The following ALMS1 variants were observed in gnomAD, a reference collection of about 807,000 sequenced individuals.
ALMS1 encodes centrosome-associated protein ALMS1.
ALMS1 carries 271 observed loss-of-function variants against 352.2 expected under a neutral mutation model. The observed-to-expected ratio is 0.77, with a 90% CI of 0.70 to 0.85. The LOEUF is 0.85. Among genes scored for constraint, ALMS1 ranks in the 40% least tolerant of loss-of-function variants. The probability of loss-of-function intolerance (pLI) is 0.00; values close to 1 mark genes in which losing one functional copy is unlikely to be tolerated. For missense variants in ALMS1, 5,445 were observed against 4,870.7 expected, an observed-to-expected ratio of 1.12 and a Z score of -3.51; for synonymous variants, 1,865 against 1,761.2, an observed-to-expected ratio of 1.06 and a Z score of -1.48.
intron 3 of ALMS1, among the ~76,000 whole-genome samples, chr2:73,419,965 T>G (rs984946404): frequency 6.6e-6 from 1 of 152,240 alleles, no homozygotes; most frequent in African/African-American, 2.4e-5. Flanking sequence ...CAACATAAAC[T>G]AATGCTATCC....
chr2:73,410,547 C>T (rs1363439480), intron 2 of ALMS1, among the ~76,000 whole-genome samples: 1 of 152,186 alleles, frequency 6.6e-6, no homozygotes, highest in African/African-American at 2.4e-5. Context: ...GATTCTCAGT[C>T]TGCTCTGCAT....
At chr2:73,396,055 T>C (rs1223367097) in intron 1 of ALMS1, among the ~76,000 whole-genome samples, 2 of 152,182 alleles carry the variant, frequency 1.3e-5, no homozygotes, top group Non-Finnish European at 2.9e-5. Context: ...TTGGACAAAC[T>C]TGTCTTAGGG....
intron 10 of ALMS1, among the ~76,000 whole-genome samples, chr2:73,510,846 G>A (rs188361237): frequency 2.1e-4 from 32 of 152,114 alleles, no homozygotes; most frequent in Admixed American, 9.2e-4. Flanking sequence ...TCTGTCCCAG[G>A]GAGATGGGAG....
In ALMS1 at chr2:73,491,122, ACTT is replaced by A; in HGVS notation, c.9168_9170del (p.Ser3057del). On this transcript the variant is annotated inframe_deletion, in exon 10 of 23. Coordinates refer to ENST00000613296, the MANE Select transcript of ALMS1 (RefSeq NM_001378454.1). ...TGTTCATATAACTCTTTGTCCCAAGACTTCTTCCAAGTTGGATAGTGGAACTTT... is the reference window on the plus strand; with the variant it reads ...TGTTCATATAACTCTTTGTCCCAAGACTTCCAAGTTGGATAGTGGAACTTT... 6.2e-7 allele frequency: 1 copy of A among 1,614,166 alleles called. No homozygotes were observed.
intron 16 of ALMS1, among the ~76,000 whole-genome samples, chr2:73,596,674 A>G (rs947647123): frequency 5.3e-5 from 8 of 151,498 alleles, no homozygotes; most frequent in African/African-American, 1.7e-4. Flanking sequence ...GTTTCACCAT[A>G]TTGGCCAGGC....
At chr2:73,588,994 A>G (rs1221879744) in intron 16 of ALMS1, among the ~76,000 whole-genome samples, 1 of 152,142 alleles carries the variant, frequency 6.6e-6, no homozygotes, top group Non-Finnish European at 1.5e-5. Flanking sequence ...TTATAATCCA[A>G]ATATACATAC....
At position 73,385,980 on chromosome 2, in the gene ALMS1, G is replaced by C; in HGVS notation, c.112G>C (p.Asp38His). Residue 38 changes from aspartate to histidine, a missense_variant, in exon 1 of 23, where the codon GAC becomes CAC. By Grantham distance (81) the Asp-to-His change is moderately conservative. Coordinates refer to ENST00000613296, the MANE Select transcript of ALMS1 (RefSeq NM_001378454.1). ...TGCAGCGGCGGCGGCGGCGAACGTG[G>C]ACGACGTAGTGGTCGTGGAGGAGGT... ...EAAAAAAANV[D>H]DVVVVEEVEE... 3.9e-6 allele frequency: 6 copies of C among 1,545,270 alleles called. No individual in the cohort carries two copies. The highest frequency in any genetic ancestry group is 5.3e-6 in the Non-Finnish European group (6 of 1,142,180).
rs762339692 is a variant in ALMS1 at position 73,452,142 on chromosome 2, C to T, written c.5615C>T (p.Thr1872Ile). The change falls in exon 8 of 23, where the codon ACT becomes ATT. Residue 1872 changes from threonine (T) to isoleucine (I), a missense_variant. Thr to Ile is a moderately conservative substitution (Grantham distance 89). Transcript: ENST00000613296. ...EQELPDLTEV[T>I]LKAIGVPGPA... Reference sequence around the variant, plus strand: ...GAGTTGCCAGATCTTACTGAAGTAACTTTGAAAGCAATAGGGGTTCCTGGG... The same window carrying T: ...GAGTTGCCAGATCTTACTGAAGTAATTTTGAAAGCAATAGGGGTTCCTGGG... The T allele has an allele frequency of 1.9e-6, 3 of 1,608,792 alleles. No individual in the cohort carries two copies. In the African/African-American group the frequency reaches 4.0e-5, roughly 22 times the overall value.
rs1671923654 is a variant in ALMS1, at chr2:73,450,933, C to T, written c.4406C>T (p.Pro1469Leu). The T allele has an allele frequency of 6.2e-7, 1 of 1,613,868 alleles. No individual in the cohort carries two copies. Among genetic ancestry groups the T allele is most frequent in the East Asian group, 2.2e-5 (1 of 44,868 alleles). The change falls in exon 8 of 23, where the codon CCA (proline) becomes CTA (leucine). Residue 1469 changes from proline to leucine, a missense_variant. By Grantham distance (98) the Pro-to-Leu change is moderately conservative. Transcript: ENST00000613296. Reference protein sequence around the residue: ...PGPVDQTIGTPTVTSPSSSFG... With the variant: ...PGPVDQTIGTLTVTSPSSSFG... ...CCAGTTGACCAGACGATTGGCACAC[C>T]AACTGTAACCTCCCCTTCCAGCTCA...
intron 3 of ALMS1, among the ~76,000 whole-genome samples, chr2:73,420,779 A>G (rs1282866997): frequency 1.5e-4 from 23 of 152,226 alleles, no homozygotes; most frequent in Non-Finnish European, 2.9e-5. Flanking sequence ...TTATTGGAGT[A>G]GATTCCTGGA....
intron 5 of ALMS1, 65 bp downstream of exon 5, chr2:73,424,967 A>T: frequency 5.7e-6 from 8 of 1,410,144 alleles, no homozygotes; most frequent in Non-Finnish European, 7.7e-6. Flanking sequence ...TTCCCAAGGG[A>T]AGTAACAATT....
chr2:73,437,305 G>A (rs1323524567), intron 7 of ALMS1, among the ~76,000 whole-genome samples: 1 of 152,196 alleles, frequency 6.6e-6, no homozygotes, highest in Non-Finnish European at 1.5e-5. Flanking sequence ...CTCTATGATT[G>A]TGATGCTGAA....
In ALMS1 at chr2:73,452,742, T is replaced by C. The variant is rs1382952433; in HGVS notation, c.6215T>C (p.Leu2072Pro). Reference protein sequence around the residue: ...LPDRDQSKGILKISAVPELTD... With the variant: ...LPDRDQSKGIPKISAVPELTD... Reference sequence around the variant, plus strand: ...GATAGAGATCAAAGTAAAGGTATTCTAAAGATTTCAGCTGTCCCTGAACTA... The same window carrying C: ...GATAGAGATCAAAGTAAAGGTATTCCAAAGATTTCAGCTGTCCCTGAACTA... Residue 2072 changes from leucine (L) to proline (P), a missense_variant, in exon 8 of 23, where the codon CTA becomes CCA. Transcript: ENST00000613296. 1.1e-5 allele frequency: 17 copies of C among 1,613,514 alleles called. No homozygotes were observed. Among genetic ancestry groups the C allele is most frequent in the Non-Finnish European group, 1.4e-5 (17 of 1,179,928 alleles).
At chr2:73,527,383 G>A (rs1392527583) in intron 11 of ALMS1, among the ~76,000 whole-genome samples, 1 of 151,992 alleles carries the variant, frequency 6.6e-6, no homozygotes, top group Non-Finnish European at 1.5e-5. Context: ...CAATTCGGCA[G>A]TTAAGCCATT....
chr2:73,388,568 T>C (rs1394865911), intron 1 of ALMS1, among the ~76,000 whole-genome samples: 1 of 152,148 alleles, frequency 6.6e-6, no homozygotes, highest in Non-Finnish European at 1.5e-5. Context: ...GAGCATGTGG[T>C]ATTTGATTTT....
intron 1 of ALMS1, among the ~76,000 whole-genome samples, chr2:73,401,307 A>G (rs1405425743): frequency 6.6e-6 from 1 of 151,880 alleles, no homozygotes; most frequent in Non-Finnish European, 1.5e-5. Context: ...CTAGTTTCCT[A>G]AGTTGGAAGC....
At chr2:73,516,658 C>T (rs1673563632) in intron 10 of ALMS1, among the ~76,000 whole-genome samples, 1 of 152,214 alleles carries the variant, frequency 6.6e-6, no homozygotes, top group Non-Finnish European at 1.5e-5. Context: ...TTTGCCCTCA[C>T]AACTTTAGAA....
chr2:73,481,363 G>A (rs1672699754), intron 9 of ALMS1, among the ~76,000 whole-genome samples: 1 of 152,072 alleles, frequency 6.6e-6, no homozygotes, highest in South Asian at 2.1e-4. Flanking sequence ...TTTTTCTCAG[G>A]TTTGTCAAAG....
At chr2:73,537,185 T>A (rs1199563959) in intron 12 of ALMS1, among the ~76,000 whole-genome samples, 1 of 152,200 alleles carries the variant, frequency 6.6e-6, no homozygotes, top group Non-Finnish European at 1.5e-5. Flanking sequence ...TATTTTAATA[T>A]CATAATGGCT....
Sources: gnomAD v4.1 joint callset for allele counts (sites outside exome capture counted in the v4.1 genomes callset) on GRCh38, gnomAD v4.1.1 for gene constraint, MANE v1.5 for transcripts, NCBI Gene and HGNC (gene_info 2026-07-23, HGNC 2026-07-21) for gene names.